Variants in TMEM163 observed in about 807,000 individuals in gnomAD.
TMEM163 encodes transmembrane protein 163.
A neutral mutation model predicts 29.3 loss-of-function variants in TMEM163; 17 were observed. The ratio of observed to expected loss-of-function variants is 0.58; its 90% confidence interval spans 0.40 to 0.87. TMEM163 has a LOEUF of 0.87. TMEM163 is among the 40% of genes least tolerant of loss of function. The pLI is 0.00. For missense variants in TMEM163, 303 were observed against 381.5 expected, an observed-to-expected ratio of 0.79 and a Z score of 1.71; for synonymous variants, 157 against 160.6, an observed-to-expected ratio of 0.98 and a Z score of 0.17.
At chr2:134,537,499 A>C (rs1680566095) in intron 4 of TMEM163, among the ~76,000 whole-genome samples, 1 of 152,106 alleles carries the variant, frequency 6.6e-6, no homozygotes, top group South Asian at 2.1e-4. Context: ...CCAACCTCAT[A>C]ACCTCATCTA....
intron 4 of TMEM163, among the ~76,000 whole-genome samples, chr2:134,515,053 T>C (rs1680029021): frequency 6.6e-6 from 1 of 152,208 alleles, no homozygotes; most frequent in Admixed American, 6.5e-5. Context: ...AGAAGATTCT[T>C]GAAAGGGACG....
chr2:134,526,416 C>T (rs1680301198), intron 4 of TMEM163, among the ~76,000 whole-genome samples: 1 of 152,142 alleles, frequency 6.6e-6, no homozygotes, highest in Non-Finnish European at 1.5e-5. Context: ...CCACATCCTA[C>T]AGCACCACTA....
intron 5 of TMEM163, among the ~76,000 whole-genome samples, chr2:134,474,814 C>A (rs567732569): frequency 2.6e-5 from 4 of 152,234 alleles, no homozygotes; most frequent in African/African-American, 9.6e-5. Flanking sequence ...AAGACCTGTG[C>A]ACTGAAAACT....
rs200651065 is a variant in TMEM163, at chr2:134,458,040, A to G, written c.801T>C (p.Tyr267=). The G allele has an allele frequency of 3.7e-6, 6 of 1,614,170 alleles. No homozygotes were observed. The highest frequency in any genetic ancestry group is 2.2e-5 in the East Asian group (1 of 44,874). Residue 267 remains tyrosine (Y), a synonymous_variant, in exon 7 of 8, where the codon TAT becomes TAC. Transcript: ENST00000281924. ...GVLIGLTIFA[Y]GVKLLIDMVP... is the part of the protein sequence containing the mutation. Reference sequence around the variant, plus strand: ...AAAGCACAAGAACCTACTTGACCCCATAGGCAAATATGGTGAGGCCGATCA... The same window carrying G: ...AAAGCACAAGAACCTACTTGACCCCGTAGGCAAATATGGTGAGGCCGATCA...
At chr2:134,593,504 G>A (rs546551473) in intron 2 of TMEM163, among the ~76,000 whole-genome samples, 3 of 152,276 alleles carry the variant, frequency 2.0e-5, no homozygotes, top group East Asian at 1.9e-4. Context: ...CACATGCCCC[G>A]CTGCTGTCTG....
rs567021268 is a variant in TMEM163, at chr2:134,547,358, G to A, written c.458+3212C>T. Among the ~76,000 whole-genome samples, 4 of 152,226 alleles carry A rather than the reference G, an allele frequency of 2.6e-5. No individual in the cohort carries two copies. The East Asian group carries it at 7.7e-4, about 29-fold the overall frequency. ...CAGTAGGGATACACAGTCACCAGGT[G>A]GCAAGGCTAAGGAAGGTTTCCAGTT... On this transcript the variant is annotated intron_variant, in intron 4 of 7. Transcript: ENST00000281924.
chr2:134,543,637 T>C (rs1680722808), intron 4 of TMEM163, among the ~76,000 whole-genome samples: 1 of 152,214 alleles, frequency 6.6e-6, no homozygotes, highest in Non-Finnish European at 1.5e-5. Flanking sequence ...ATTTTCTTTT[T>C]AAATTTCTGG....
chr2:134,683,844 A>T (rs1684299983), intron 2 of TMEM163, among the ~76,000 whole-genome samples: 2 of 148,486 alleles, frequency 1.3e-5, no homozygotes, highest in South Asian at 4.1e-4. Flanking sequence ...TGACACGTCA[A>T]CACCAAGGTC....
At chr2:134,500,844 C>T (rs1679682365) in intron 5 of TMEM163, among the ~76,000 whole-genome samples, 1 of 151,914 alleles carries the variant, frequency 6.6e-6, no homozygotes, top group Non-Finnish European at 1.5e-5. Flanking sequence ...AAGGGAGGGA[C>T]TTGTTAAAGG....
chr2:134,564,248 T>A (rs1406959093), intron 2 of TMEM163, among the ~76,000 whole-genome samples: 1 of 152,202 alleles, frequency 6.6e-6, no homozygotes, highest in Non-Finnish European at 1.5e-5. Context: ...GTTACTTGAT[T>A]TATATATTTC....
chr2:134,644,336 G>A (rs1305651978), intron 2 of TMEM163, among the ~76,000 whole-genome samples: 3 of 151,978 alleles, frequency 2.0e-5, no homozygotes, highest in Admixed American at 6.6e-5. Context: ...AAATATTAAA[G>A]GAATACACTA....
rs73958751 is a variant in TMEM163, at chr2:134,504,844, T to C, written c.459-1847A>G. Among the ~76,000 whole-genome samples, 1,204 of 152,274 alleles carry C rather than the reference T, an allele frequency of 7.9e-3. 11 individuals carry two copies. Among genetic ancestry groups the C allele is most frequent in the African/African-American group, 0.027 (1,142 of 41,548 alleles). On this transcript the variant is annotated intron_variant, in intron 4 of 7. Transcript: ENST00000281924. ...CTGGAATCAGGGACAGAGGGGGCCA[T>C]GATAGAGTCCTGGAGGAATGAGGTG...
intron 2 of TMEM163, among the ~76,000 whole-genome samples, chr2:134,607,745 C>T: frequency 1.4e-5 from 1 of 73,402 alleles, no homozygotes; most frequent in African/African-American, 5.4e-5. Flanking sequence ...GAGGACAGAC[C>T]CCGAGAACTG....
chr2:134,519,235 T>G (rs529317941), intron 4 of TMEM163, among the ~76,000 whole-genome samples: 99 of 152,238 alleles, frequency 6.5e-4, no homozygotes, highest in African/African-American at 2.3e-3. Flanking sequence ...AAGCAAGACT[T>G]CCCTCCTTCA....
intron 4 of TMEM163, among the ~76,000 whole-genome samples, chr2:134,534,813 G>A (rs144151979): frequency 1.8e-4 from 27 of 152,142 alleles, no homozygotes; most frequent in African/African-American, 5.3e-4. Context: ...AGAAAAGGCC[G>A]TAAAGAGTCT....
intron 4 of TMEM163, among the ~76,000 whole-genome samples, chr2:134,535,723 T>G (rs1201162031): frequency 6.7e-6 from 1 of 148,816 alleles, no homozygotes; most frequent in African/African-American, 2.6e-5. Flanking sequence ...TATGGTTTTT[T>G]TTTTTGTTTG....
chr2:134,709,963 A>G (rs1573555123), intron 2 of TMEM163, among the ~76,000 whole-genome samples: 1 of 152,356 alleles, frequency 6.6e-6, no homozygotes, highest in African/African-American at 2.4e-5. Context: ...TGTTTAGATA[A>G]TAACTTAAGT....
intron 2 of TMEM163, among the ~76,000 whole-genome samples, chr2:134,560,955 A>G (rs771068337): frequency 2.8e-5 from 4 of 142,612 alleles, no homozygotes; most frequent in Admixed American, 1.3e-4. Context: ...AGACAAAAAG[A>G]CAAAGACCCC....
chr2:134,580,830 T>C (rs890497042), intron 2 of TMEM163, among the ~76,000 whole-genome samples: 1 of 152,134 alleles, frequency 6.6e-6, no homozygotes, highest in African/African-American at 2.4e-5. Flanking sequence ...GGAGAATCGC[T>C]TGAACCCCAG....
Sources: allele counts gnomAD v4.1 joint callset (sites outside exome capture counted in the v4.1 genomes callset), GRCh38; gene constraint gnomAD v4.1.1; transcripts MANE v1.5; gene names NCBI Gene and HGNC (gene_info 2026-07-23, HGNC 2026-07-21).